Variants in EHD4 observed in about 807,000 individuals in gnomAD.
EHD4 encodes the protein EH domain-containing protein 4.
Under a neutral mutation model 51.0 loss-of-function variants are expected in EHD4, and 37 were observed. The observed-to-expected ratio is 0.73, with a 90% CI of 0.56 to 0.95. The LOEUF (loss-of-function observed/expected upper bound fraction) is 0.95. Ranked by LOEUF, EHD4 falls within the 40% of genes least tolerant of loss-of-function variation. EHD4 has a pLI of 0.00. For synonymous variants in EHD4, 297 were observed against 317.3 expected (o/e 0.94, Z 0.68); for missense variants, 632 against 733.1 (o/e 0.86, Z 1.59).
intron 1 of EHD4, among the ~76,000 whole-genome samples, chr15:41,970,256 C>T (rs1229416520): frequency 2.0e-5 from 3 of 152,206 alleles, no homozygotes; most frequent in Non-Finnish European, 1.5e-5. Flanking sequence ...TTCTTCTAAC[C>T]TCACTGGTCT....
intron 5 of EHD4, among the ~76,000 whole-genome samples, chr15:41,901,402 G>A (rs1317376658): frequency 6.6e-6 from 1 of 152,212 alleles, no homozygotes; most frequent in Non-Finnish European, 1.5e-5. Flanking sequence ...AATCTCTGCT[G>A]GTGGCCGCAT....
intron 1 of EHD4, among the ~76,000 whole-genome samples, chr15:41,962,577 C>T (rs1027590102): frequency 1.3e-5 from 2 of 148,730 alleles, no homozygotes; most frequent in Non-Finnish European, 3.0e-5. Context: ...ATAATTGAGA[C>T]AGATTTTACT....
At chr15:41,932,113 A>C (rs1473993460) in intron 3 of EHD4, among the ~76,000 whole-genome samples, 1 of 152,236 alleles carries the variant, frequency 6.6e-6, no homozygotes, top group Non-Finnish European at 1.5e-5. Context: ...TTGTAACGGC[A>C]AAAGATTAGG....
chr15:41,937,275 G>T (rs1290097959), intron 3 of EHD4, among the ~76,000 whole-genome samples: 3 of 152,046 alleles, frequency 2.0e-5, no homozygotes, highest in African/African-American at 7.2e-5. Context: ...TCCTCCAAGG[G>T]CCCTGAGCTC....
At chr15:41,940,631 G>A (rs17687870) in intron 3 of EHD4, among the ~76,000 whole-genome samples, 4,707 of 152,290 alleles carry the variant, frequency 0.031, 114 homozygotes, top group Admixed American at 0.069. Context: ...GGCAGGGACC[G>A]CCGACTGGCT....
At chr15:41,932,771 C>T (rs1671241056) in intron 3 of EHD4, among the ~76,000 whole-genome samples, 1 of 152,080 alleles carries the variant, frequency 6.6e-6, no homozygotes, top group South Asian at 2.1e-4. Context: ...ACGGTCAGGC[C>T]CAAATACTTC....
chr15:41,933,956 C>T (rs1430940833), intron 3 of EHD4, among the ~76,000 whole-genome samples: 1 of 152,082 alleles, frequency 6.6e-6, no homozygotes, highest in Non-Finnish European at 1.5e-5. Flanking sequence ...TCCTGCGGGA[C>T]AGTCACCTCT....
intron 1 of EHD4, among the ~76,000 whole-genome samples, chr15:41,962,692 C>T (rs1040121926): frequency 5.5e-4 from 83 of 151,990 alleles, no homozygotes; most frequent in African/African-American, 1.8e-3. Flanking sequence ...AGCCCCCACC[C>T]GGCCGCCGCC....
chr15:41,928,195 G>C (rs973795338), intron 3 of EHD4, among the ~76,000 whole-genome samples: 1 of 152,208 alleles, frequency 6.6e-6, no homozygotes, highest in Admixed American at 6.5e-5. Flanking sequence ...TTGTGGCAGA[G>C]AGCAAAATGA....
At chr15:41,940,032 T>C (rs535005002) in intron 3 of EHD4, among the ~76,000 whole-genome samples, 2 of 152,282 alleles carry the variant, frequency 1.3e-5, no homozygotes, top group South Asian at 4.1e-4. Context: ...TTGGCCAAGC[T>C]GGTCTCTAAC....
intron 1 of EHD4, among the ~76,000 whole-genome samples, chr15:41,956,801 T>C (rs1374408035): frequency 6.6e-6 from 1 of 152,226 alleles, no homozygotes; most frequent in Non-Finnish European, 1.5e-5. Flanking sequence ...TTGCTTGCAT[T>C]ATCAATTTGT....
chr15:41,972,200 G>A lies in EHD4; in HGVS notation c.236+59C>T, dbSNP rs906247107. On this transcript the variant is annotated intron_variant, in intron 1 of 5. Transcript: ENST00000220325. ...GCAGCGGCGGGAGGCGGCCGACTGC[G>A]GCGCACACGTGGGGAGGGCGGAGCG... is the stretch of plus-strand genomic sequence containing the variant. 7.0e-5 allele frequency: 93 copies of A among 1,320,956 alleles called. 1 individual carries two copies. Among genetic ancestry groups the A allele is most frequent in the Admixed American group, 1.2e-4 (4 of 32,250 alleles). The allele number at this position is 1,320,956 out of a possible 1,614,324, so 81.8% of individuals were successfully genotyped here.
At chr15:41,910,545 GA>G (rs2067542832) in intron 4 of EHD4, among the ~76,000 whole-genome samples, 1 of 152,034 alleles carries the variant, frequency 6.6e-6, no homozygotes, top group South Asian at 2.1e-4. Flanking sequence ...AGGATATTAA[GA>G]AATGTTCACT....
intron 1 of EHD4, among the ~76,000 whole-genome samples, chr15:41,970,933 G>A (rs1237957720): frequency 6.6e-6 from 1 of 152,172 alleles, no homozygotes; most frequent in African/African-American, 2.4e-5. Context: ...CTGTAATACA[G>A]CTATGGTTCA....
chr15:41,908,781 T>C (rs907569624), intron 5 of EHD4: 5 of 152,236 alleles, frequency 3.3e-5, no homozygotes, highest in African/African-American at 4.8e-5. Flanking sequence ...TGCTGACACA[T>C]GTTTCTTGGA....
intron 1 of EHD4, among the ~76,000 whole-genome samples, chr15:41,965,935 C>A (rs1368235993): frequency 7.4e-6 from 1 of 134,244 alleles, no homozygotes; most frequent in African/African-American, 2.7e-5. Context: ...CCACCCCCCG[C>A]CCCACCTACT....
intron 3 of EHD4, among the ~76,000 whole-genome samples, chr15:41,931,964 C>T (rs897607620): frequency 2.0e-5 from 3 of 151,918 alleles, no homozygotes; most frequent in African/African-American, 4.8e-5. Flanking sequence ...TGTGAGCCGC[C>T]GCGCCCAGCC....
At chr15:41,964,804 C>T (rs574807061) in intron 1 of EHD4, among the ~76,000 whole-genome samples, 10 of 151,428 alleles carry the variant, frequency 6.6e-5, no homozygotes, top group African/African-American at 2.4e-4. Context: ...CAAGGCCTCA[C>T]TCAGTTGCCC....
intron 3 of EHD4, among the ~76,000 whole-genome samples, chr15:41,923,056 A>G (rs1417969082): frequency 6.6e-6 from 1 of 152,158 alleles, no homozygotes; most frequent in East Asian, 1.9e-4. Context: ...TACTTTAAGC[A>G]TTTTAAGTGT....
Sources: allele counts gnomAD v4.1 joint callset (sites outside exome capture counted in the v4.1 genomes callset), GRCh38; gene constraint gnomAD v4.1.1; transcripts MANE v1.5; gene names NCBI Gene and HGNC (gene_info 2026-07-23, HGNC 2026-07-21).